The following SCMH1 variants were observed in gnomAD, a reference collection of about 807,000 sequenced individuals.
SCMH1 encodes the protein polycomb protein SCMH1.
SCMH1 carries 37 observed loss-of-function variants against 70.8 expected under a neutral mutation model. The observed-to-expected ratio is 0.52, with a 90% CI of 0.40 to 0.69. The LOEUF is 0.69. Among genes scored for constraint, SCMH1 ranks in the 30% least tolerant of loss-of-function variants. The pLI, the probability that SCMH1 is intolerant of heterozygous loss-of-function variation, is 0.00. For synonymous variants in SCMH1, 292 were observed against 307.4 expected (o/e 0.95, Z 0.52); for missense variants, 607 against 827.3 (o/e 0.73, Z 3.27).
At chr1:41,029,940 A>G (rs1169817652) in intron 13 of SCMH1, among the ~76,000 whole-genome samples, 1 of 152,244 alleles carries the variant, frequency 6.6e-6, no homozygotes, top group Non-Finnish European at 1.5e-5. Flanking sequence ...TAGGATGGGC[A>G]TCATGGCTCA....
At chr1:41,209,243 A>C (rs1196171880) in intron 1 of SCMH1, among the ~76,000 whole-genome samples, 2 of 152,182 alleles carry the variant, frequency 1.3e-5, no homozygotes, top group Non-Finnish European at 2.9e-5. Flanking sequence ...CAACCAAAAA[A>C]AGTCCAGGAC....
intron 1 of SCMH1, among the ~76,000 whole-genome samples, chr1:41,207,825 G>A (rs1217223677): frequency 6.6e-6 from 1 of 151,732 alleles, no homozygotes; most frequent in African/African-American, 2.4e-5. Flanking sequence ...TACACTGTTG[G>A]TGGGACTGTA....
intron 13 of SCMH1, among the ~76,000 whole-genome samples, chr1:41,034,867 C>T (rs537806666): frequency 6.6e-6 from 1 of 152,178 alleles, no homozygotes; most frequent in African/African-American, 2.4e-5. Context: ...TGGGTTTCTG[C>T]CCCTTGGTAA....
chr1:41,226,400 C>A (rs113109859), intron 1 of SCMH1, among the ~76,000 whole-genome samples: 12 of 151,968 alleles, frequency 7.9e-5, no homozygotes, highest in Admixed American at 2.0e-4. Flanking sequence ...AAATATAAAG[C>A]ATAAGCAATA....
chr1:41,217,572 A>G (rs1012941487), intron 1 of SCMH1, among the ~76,000 whole-genome samples: 2 of 152,256 alleles, frequency 1.3e-5, no homozygotes, highest in African/African-American at 4.8e-5. Context: ...ACAGTTATGT[A>G]GCAAAGATAT....
At chr1:41,071,623 G>A (rs1656539592) in intron 9 of SCMH1, among the ~76,000 whole-genome samples, 1 of 152,002 alleles carries the variant, frequency 6.6e-6, no homozygotes, top group African/African-American at 2.4e-5. Flanking sequence ...GCAGTTTTTG[G>A]GGGAGAAAGA....
intron 1 of SCMH1, among the ~76,000 whole-genome samples, chr1:41,238,593 C>T (rs142438776): frequency 6.6e-6 from 1 of 152,278 alleles, no homozygotes; most frequent in African/African-American, 2.4e-5. Flanking sequence ...TCTCTCTTCC[C>T]CACATCCCAT....
intron 8 of SCMH1, among the ~76,000 whole-genome samples, chr1:41,102,831 C>T (rs572486320): frequency 6.6e-5 from 10 of 152,210 alleles, no homozygotes; most frequent in Non-Finnish European, 1.5e-4. Context: ...GGCATGAAAG[C>T]ACATGGTGAG....
At chr1:41,070,771 T>C in intron 9 of SCMH1, 50 bp from the exon 10 acceptor site, 1 of 1,604,558 alleles carries the variant, frequency 6.2e-7, no homozygotes, top group Non-Finnish European at 8.5e-7. Flanking sequence ...GGTCTTTTCA[T>C]TCCCTATTCT....
At chr1:41,141,162 A>G (rs1461810678) in intron 6 of SCMH1, among the ~76,000 whole-genome samples, 1 of 152,246 alleles carries the variant, frequency 6.6e-6, no homozygotes, top group East Asian at 1.9e-4. Context: ...ATTTATGTAG[A>G]CAGAATGGCA....
chr1:41,221,504 A>G (rs1659262199), intron 1 of SCMH1, among the ~76,000 whole-genome samples: 1 of 152,006 alleles, frequency 6.6e-6, no homozygotes, highest in Non-Finnish European at 1.5e-5. Context: ...ACAAAAAAAA[A>G]AGAGGATGAA....
intron 1 of SCMH1, among the ~76,000 whole-genome samples, chr1:41,213,289 T>G (rs899858958): frequency 6.6e-6 from 1 of 152,220 alleles, no homozygotes; most frequent in Non-Finnish European, 1.5e-5. Context: ...TTTACAAGTA[T>G]TGGTAAAATT....
At chr1:41,141,898 C>T (rs951400502) in intron 6 of SCMH1, among the ~76,000 whole-genome samples, 4 of 152,076 alleles carry the variant, frequency 2.6e-5, no homozygotes, top group African/African-American at 9.7e-5. Context: ...TTATCATTGG[C>T]TTATTTGTAT....
chr1:41,197,415 T>C (rs901862147), intron 1 of SCMH1, among the ~76,000 whole-genome samples: 5 of 152,180 alleles, frequency 3.3e-5, no homozygotes, highest in Non-Finnish European at 7.4e-5. Context: ...TTCAAGGCAC[T>C]GTGCTAAGTG....
intron 12 of SCMH1, chr1:41,045,605 C>A (rs905150503): frequency 1.3e-5 from 2 of 152,322 alleles, no homozygotes; most frequent in African/African-American, 4.8e-5. Flanking sequence ...CTCCCATCAA[C>A]AGACAGCACA....
intron 1 of SCMH1, among the ~76,000 whole-genome samples, chr1:41,202,804 T>TAGG (rs2148733912): frequency 6.6e-6 from 1 of 152,232 alleles, no homozygotes; most frequent in South Asian, 2.1e-4. Context: ...GCACCTCTCC[T>TAGG]AGTCTATATG....
intron 6 of SCMH1, among the ~76,000 whole-genome samples, chr1:41,135,121 T>C (rs1169409358): frequency 6.6e-6 from 1 of 152,228 alleles, no homozygotes; most frequent in Admixed American, 6.5e-5. Flanking sequence ...TATTCATACA[T>C]GAGATTATAC....
chr1:41,093,509 T>G (rs1558812284), intron 8 of SCMH1, among the ~76,000 whole-genome samples: 1 of 152,130 alleles, frequency 6.6e-6, no homozygotes, highest in Non-Finnish European at 1.5e-5. Context: ...ACCCTAGAAC[T>G]TAAAGTATAA....
chr1:41,108,757 C>G (rs184411738), intron 8 of SCMH1, among the ~76,000 whole-genome samples: 1 of 152,294 alleles, frequency 6.6e-6, no homozygotes, highest in Non-Finnish European at 1.5e-5. Flanking sequence ...AACCTAAAAT[C>G]ATGTAGGAGA....
Sources: allele counts gnomAD v4.1 joint callset (sites outside exome capture counted in the v4.1 genomes callset), GRCh38; gene constraint gnomAD v4.1.1; transcripts MANE v1.5; gene names NCBI Gene and HGNC (gene_info 2026-07-23, HGNC 2026-07-21).